Variants in STXBP5L observed in about 807,000 individuals in gnomAD.
STXBP5L encodes syntaxin-binding protein 5-like.
In STXBP5L, 65 loss-of-function variants were observed where a neutral mutation model predicts 144.5. The observed-to-expected ratio is 0.45, with a 90% CI of 0.37 to 0.55. The LOEUF (loss-of-function observed/expected upper bound fraction) is 0.55, where lower values mean the gene tolerates loss of function less well. STXBP5L is among the 20% of genes least tolerant of loss of function. The pLI is 0.00. For missense variants in STXBP5L, 1,298 were observed against 1,405.5 expected, an observed-to-expected ratio of 0.92 and a Z score of 1.22; for synonymous variants, 505 against 469.6, an observed-to-expected ratio of 1.08 and a Z score of -0.97.
chr3:121,266,796 A>G (rs986962416), intron 18 of STXBP5L, among the ~76,000 whole-genome samples: 1 of 152,206 alleles, frequency 6.6e-6, no homozygotes, highest in Non-Finnish European at 1.5e-5. Flanking sequence ...ATACAAAATC[A>G]GTGTGCAAAA....
intron 3 of STXBP5L, among the ~76,000 whole-genome samples, chr3:121,037,279 A>G (rs1232431429): frequency 1.4e-5 from 2 of 143,706 alleles, no homozygotes; most frequent in East Asian, 2.0e-4. Context: ...GAAAGGCTCT[A>G]CTCTGTCATC....
At chr3:121,181,946 TA>T (rs767721855) in intron 9 of STXBP5L, among the ~76,000 whole-genome samples, 798 of 138,270 alleles carry the variant, frequency 5.8e-3, no homozygotes, top group Non-Finnish European at 5.5e-3. Flanking sequence ...CAACAACAGT[TA>T]AAAAAAAAAA....
At chr3:121,300,157 A>T (rs1314647456) in intron 19 of STXBP5L, among the ~76,000 whole-genome samples, 1 of 152,114 alleles carries the variant, frequency 6.6e-6, no homozygotes, top group African/African-American at 2.4e-5. Flanking sequence ...GAAGCTAGAG[A>T]CAACATAATG....
chr3:121,171,827 T>C (rs1334670150), intron 9 of STXBP5L, among the ~76,000 whole-genome samples: 1 of 152,202 alleles, frequency 6.6e-6, no homozygotes, highest in Non-Finnish European at 1.5e-5. Flanking sequence ...CCATTGACTT[T>C]CTTCACAGAA....
chr3:121,387,701 G>T lies in STXBP5L; in HGVS notation c.2587+6169G>T, dbSNP rs561596606. 3.1e-4 allele frequency among the ~76,000 whole-genome samples: 47 copies of T among 152,350 alleles called. No homozygotes were observed. The South Asian group carries it at 7.9e-3, about 26-fold the overall frequency. ...TCTTGTTTTTGTCAGGTTTGTCAAAGATCAGATGGTGTAGATGTGTGATGT... is the reference window on the plus strand; with the variant it reads ...TCTTGTTTTTGTCAGGTTTGTCAAATATCAGATGGTGTAGATGTGTGATGT... On this transcript the variant is annotated intron_variant, in intron 22 of 26. Coordinates refer to ENST00000471454, the MANE Select transcript of STXBP5L (RefSeq NM_001308330.2).
At chr3:121,127,528 T>C (rs2044764808) in intron 7 of STXBP5L, among the ~76,000 whole-genome samples, 1 of 151,770 alleles carries the variant, frequency 6.6e-6, no homozygotes, top group African/African-American at 2.4e-5. Context: ...TTTTCCATTT[T>C]CACATGATCT....
intron 2 of STXBP5L, among the ~76,000 whole-genome samples, chr3:120,924,426 C>G: frequency 6.6e-6 from 1 of 152,038 alleles, no homozygotes; most frequent in Non-Finnish European, 1.5e-5. Flanking sequence ...GAAAAACAAT[C>G]TAAGGAATTA....
At chr3:121,271,063 A>T (rs1196960815) in intron 18 of STXBP5L, among the ~76,000 whole-genome samples, 1 of 152,032 alleles carries the variant, frequency 6.6e-6, no homozygotes, top group Non-Finnish European at 1.5e-5. Flanking sequence ...AAAGTTTTTA[A>T]ACTTCTTACT....
chr3:121,043,725 C>CA (rs1043897937), intron 4 of STXBP5L, among the ~76,000 whole-genome samples: 4 of 151,644 alleles, frequency 2.6e-5, no homozygotes, highest in Admixed American at 6.6e-5. Context: ...AACAAACAAA[C>CA]AAAAAAAGAA....
intron 5 of STXBP5L, among the ~76,000 whole-genome samples, chr3:121,106,386 A>T (rs1576974451): frequency 1.3e-5 from 2 of 152,178 alleles, no homozygotes; most frequent in South Asian, 4.2e-4. Flanking sequence ...TTAGCTATTT[A>T]TTATGACACT....
chr3:121,238,500 T>G (rs1246547870), intron 12 of STXBP5L, among the ~76,000 whole-genome samples: 1 of 152,146 alleles, frequency 6.6e-6, no homozygotes, highest in African/African-American at 2.4e-5. Context: ...AATTTCAAGA[T>G]GAGGTTTGGA....
intron 3 of STXBP5L, among the ~76,000 whole-genome samples, chr3:121,011,759 A>G (rs147766783): frequency 1.3e-5 from 2 of 151,598 alleles, no homozygotes; most frequent in African/African-American, 2.4e-5. Context: ...TGAATTTGTT[A>G]TATCTTTTTT....
intron 12 of STXBP5L, among the ~76,000 whole-genome samples, chr3:121,236,961 G>A (rs1025216831): frequency 6.6e-6 from 1 of 152,176 alleles, no homozygotes; most frequent in Non-Finnish European, 1.5e-5. Flanking sequence ...AAATCTTAAA[G>A]CTCCAAAATA....
chr3:120,931,975 T>C (rs1281963415), intron 2 of STXBP5L, among the ~76,000 whole-genome samples: 1 of 152,238 alleles, frequency 6.6e-6, no homozygotes, highest in Non-Finnish European at 1.5e-5. Flanking sequence ...AGAGTGTACT[T>C]ACACAAACCT....
At chr3:121,122,041 G>A (rs770262492) in intron 7 of STXBP5L, among the ~76,000 whole-genome samples, 9 of 150,710 alleles carry the variant, frequency 6.0e-5, no homozygotes, top group African/African-American at 1.9e-4. Flanking sequence ...ACTCAGTTTG[G>A]TAATGAAAAA....
chr3:121,167,968 A>G (rs1182422149), intron 9 of STXBP5L, among the ~76,000 whole-genome samples: 1 of 152,164 alleles, frequency 6.6e-6, no homozygotes, highest in Non-Finnish European at 1.5e-5. Context: ...CTCTGGGACA[A>G]GCTTCCAGAG....
intron 2 of STXBP5L, among the ~76,000 whole-genome samples, chr3:120,919,206 A>G (rs1026552479): frequency 6.6e-5 from 10 of 152,118 alleles, no homozygotes; most frequent in African/African-American, 2.4e-4. Context: ...GAGGGATAGG[A>G]TGAGATTCAG....
chr3:121,162,324 G>T (rs555485174), intron 9 of STXBP5L, among the ~76,000 whole-genome samples: 1 of 152,216 alleles, frequency 6.6e-6, no homozygotes, highest in Non-Finnish European at 1.5e-5. Flanking sequence ...ATGGGGAAAG[G>T]GTTCCCTATT....
intron 3 of STXBP5L, among the ~76,000 whole-genome samples, chr3:121,015,424 C>T (rs1945074327): frequency 6.6e-6 from 1 of 151,994 alleles, no homozygotes; most frequent in Non-Finnish European, 1.5e-5. Flanking sequence ...AGCCAGAAGC[C>T]TGAAGAGAAA....
Sources: allele counts gnomAD v4.1 joint callset (sites outside exome capture counted in the v4.1 genomes callset), GRCh38; gene constraint gnomAD v4.1.1; transcripts MANE v1.5; gene names NCBI Gene and HGNC (gene_info 2026-07-23, HGNC 2026-07-21).